The following PKIB variants were observed in gnomAD, a reference collection of about 807,000 sequenced individuals.
The protein encoded by PKIB is cAMP-dependent protein kinase inhibitor beta.
PKIB carries 2 observed loss-of-function variants against 4.5 expected under a neutral mutation model. That is an observed-to-expected ratio of 0.44 (90% CI 0.18 to 1.39). PKIB has a LOEUF of 1.39. Among genes scored for constraint, PKIB ranks in the 40% most tolerant of loss-of-function variants. PKIB has a pLI of 0.27. For missense variants in PKIB, 94 were observed against 92.6 expected (o/e 1.02, Z -0.06); for synonymous variants, 38 against 36.0 (o/e 1.06, Z -0.20).
chr6:122,648,731 A>C (rs1776423165), intron 2 of PKIB, among the ~76,000 whole-genome samples: 2 of 152,210 alleles, frequency 1.3e-5, no homozygotes, highest in Non-Finnish European at 2.9e-5. Context: ...GTAATAACAA[A>C]GCAGCACTTT....
intron 2 of PKIB, among the ~76,000 whole-genome samples, chr6:122,569,509 A>G (rs1773294703): frequency 1.3e-5 from 2 of 152,322 alleles, no homozygotes; most frequent in South Asian, 4.1e-4. Context: ...GTTCACAATA[A>G]TTATGACCAG....
At chr6:122,567,637 G>A (rs547149631) in intron 2 of PKIB, among the ~76,000 whole-genome samples, 14 of 152,140 alleles carry the variant, frequency 9.2e-5, no homozygotes, top group African/African-American at 3.4e-4. Context: ...AATGAAAAAA[G>A]CAACCTTCAA....
chr6:122,630,118 T>TA (rs987359445), intron 1 of PKIB, among the ~76,000 whole-genome samples: 18 of 152,008 alleles, frequency 1.2e-4, no homozygotes, highest in African/African-American at 3.6e-4. Flanking sequence ...AAAACTATTG[T>TA]AAAAAAATAT....
At chr6:122,676,135 G>A (rs2114959634) in intron 3 of PKIB, among the ~76,000 whole-genome samples, 1 of 151,772 alleles carries the variant, frequency 6.6e-6, no homozygotes, top group Admixed American at 6.6e-5. Context: ...TTGTTTTCCT[G>A]CAACTAGATG....
intron 3 of PKIB, among the ~76,000 whole-genome samples, chr6:122,595,401 C>T (rs566778203): frequency 3.3e-5 from 5 of 152,222 alleles, no homozygotes; most frequent in South Asian, 4.2e-4. Flanking sequence ...AATCCACTGC[C>T]GCACTTCTTT....
chr6:122,709,958 A>G (rs1420651269), intron 3 of PKIB, among the ~76,000 whole-genome samples: 2 of 152,132 alleles, frequency 1.3e-5, no homozygotes, highest in Non-Finnish European at 2.9e-5. Context: ...ATCTATTTTG[A>G]TGTTAACAAA....
chr6:122,641,437 T>C (rs1354823494), intron 2 of PKIB, among the ~76,000 whole-genome samples: 1 of 152,166 alleles, frequency 6.6e-6, no homozygotes, highest in African/African-American at 2.4e-5. Flanking sequence ...TTACCAGTGC[T>C]GGGAACTTTT....
intron 3 of PKIB, among the ~76,000 whole-genome samples, chr6:122,597,718 T>G (rs1774222939): frequency 1.3e-5 from 2 of 152,208 alleles, no homozygotes; most frequent in South Asian, 4.1e-4. Context: ...ATGGTTTCCA[T>G]TTGGCCTTTC....
chr6:122,596,941 G>A (rs1187047560), intron 3 of PKIB, among the ~76,000 whole-genome samples: 3 of 152,184 alleles, frequency 2.0e-5, no homozygotes, highest in Non-Finnish European at 2.9e-5. Context: ...AATGAGGAAT[G>A]TGTTACTTTC....
chr6:122,687,785 C>T (rs954596358), intron 3 of PKIB, among the ~76,000 whole-genome samples: 1 of 152,016 alleles, frequency 6.6e-6, no homozygotes, highest in Non-Finnish European at 1.5e-5. Flanking sequence ...AGAAATGTTA[C>T]TGATTTTTGA....
intron 3 of PKIB, among the ~76,000 whole-genome samples, chr6:122,683,482 C>G (rs1028944028): frequency 1.2e-4 from 19 of 152,142 alleles, no homozygotes; most frequent in African/African-American, 4.1e-4. Context: ...CACCTTCCAC[C>G]AGGCCCTGCT....
chr6:122,563,164 T>G (rs770602271), intron 2 of PKIB, among the ~76,000 whole-genome samples: 5 of 152,312 alleles, frequency 3.3e-5, no homozygotes, highest in Middle Eastern at 3.4e-3. Flanking sequence ...GTTCCCTTGA[T>G]GTAGTACTCT....
At chr6:122,606,024 C>T (rs763008617), upstream of PKIB, among the ~76,000 whole-genome samples, 5 of 152,140 alleles carry the variant, frequency 3.3e-5, no homozygotes, top group Admixed American at 6.5e-5. Context: ...ATGACCTAAC[C>T]TCTGGTACCT....
chr6:122,670,005 G>A, intron 2 of PKIB, among the ~76,000 whole-genome samples: 1 of 151,480 alleles, frequency 6.6e-6, no homozygotes, highest in Non-Finnish European at 1.5e-5. Flanking sequence ...GGCTTAACCA[G>A]GTTAGGGATG....
At chr6:122,582,541 G>C (rs1333029432) in intron 2 of PKIB, among the ~76,000 whole-genome samples, 1 of 152,032 alleles carries the variant, frequency 6.6e-6, no homozygotes, top group East Asian at 1.9e-4. Context: ...TTATAAACAT[G>C]TCCCTCAAAG....
chr6:122,688,706 T>C (rs960128031), intron 3 of PKIB, among the ~76,000 whole-genome samples: 5 of 152,118 alleles, frequency 3.3e-5, no homozygotes, highest in Admixed American at 6.5e-5. Context: ...ATTGCATGTC[T>C]AGAAATTTAT....
intron 2 of PKIB, among the ~76,000 whole-genome samples, chr6:122,529,431 G>A (rs1777187120): frequency 6.6e-6 from 1 of 151,778 alleles, no homozygotes; most frequent in Non-Finnish European, 1.5e-5. Context: ...TATAGCTTTT[G>A]AATTTTTGTC....
chr6:122,485,981 T>C, intron 2 of PKIB, among the ~76,000 whole-genome samples: 1 of 152,188 alleles, frequency 6.6e-6, no homozygotes, highest in East Asian at 1.9e-4. Context: ...CTGGTGCCAG[T>C]TGATTGTTTC....
At position 122,717,851 on chromosome 6, in the gene PKIB, A is replaced by G; in HGVS notation, c.57A>G (p.Ala19=). The change falls in exon 4 of 5, where the codon GCA becomes GCG. Residue 19 remains alanine (A), a synonymous_variant. Transcript: ENST00000368452. ...TDVESGVANF[A]SSARAGRRNA... is the part of the protein sequence containing the mutation. The stretch of plus-strand genomic sequence containing the variant: ...TGGAGTCTGGGGTCGCCAATTTTGC[A>G]TCTTCAGCAAGGGCAGGCCGCCGGA... 1.2e-6 allele frequency: 2 copies of G among 1,614,112 alleles called. No homozygotes were observed. Among genetic ancestry groups the G allele is most frequent in the Non-Finnish European group, 1.7e-6 (2 of 1,179,990 alleles).
Sources: allele counts gnomAD v4.1 joint callset (sites outside exome capture counted in the v4.1 genomes callset), GRCh38; gene constraint gnomAD v4.1.1; transcripts MANE v1.5; gene names NCBI Gene and HGNC (gene_info 2026-07-23, HGNC 2026-07-21).